PXK: variants seen among roughly 807,000 people sequenced by gnomAD.
The protein encoded by PXK is PX domain containing serine/threonine kinase like, also known as PX domain-containing protein kinase-like protein.
PXK carries 35 observed loss-of-function variants against 84.7 expected under a neutral mutation model. That is an observed-to-expected ratio of 0.41 (90% confidence interval 0.32 to 0.55). PXK has a LOEUF of 0.55. Ranked by LOEUF, PXK falls within the 20% of genes least tolerant of loss-of-function variation. The pLI is 0.21. For synonymous variants in PXK, 253 were observed against 260.8 expected (o/e 0.97, Z 0.29); for missense variants, 634 against 699.7 (o/e 0.91, Z 1.06).
At chr3:58,395,613 G>A (rs2057534330) in intron 8 of PXK, 45 bp from the exon 9 acceptor site, 2 of 1,430,884 alleles carry the variant, frequency 1.4e-6, no homozygotes, top group Non-Finnish European at 2.0e-6. Context: ...TGCAGATATT[G>A]GCCCCTCTGC....
Position 58,383,764 on chromosome 3 carries a change from A to G in PXK, c.388+1064A>G, listed in dbSNP as rs567286174. ...CACCTGATTTGTTTAAAGAGAAACC[A>G]TGCTTTAGAGACTTTCTAAGTGGAA... On this transcript the variant is annotated intron_variant, in intron 4 of 17. Transcript: ENST00000356151. The surrounding 1 kb of genome is among the most constrained non-coding windows in gnomAD (Gnocchi z 4.0). 2.8e-4 allele frequency among the ~76,000 whole-genome samples: 42 copies of G among 152,364 alleles called. No individual in the cohort carries two copies. Among genetic ancestry groups the G allele is most frequent in the African/African-American group, 8.7e-4 (36 of 41,584 alleles).
At chr3:58,410,747 G>C (rs1427446556) in intron 16 of PXK, among the ~76,000 whole-genome samples, 1 of 152,208 alleles carries the variant, frequency 6.6e-6, no homozygotes, top group Non-Finnish European at 1.5e-5. Context: ...TGATCCCTGG[G>C]GGCCTTCCAG....
At chr3:58,380,945 C>G (rs1450944335) in intron 3 of PXK, among the ~76,000 whole-genome samples, 2 of 152,020 alleles carry the variant, frequency 1.3e-5, no homozygotes, top group Non-Finnish European at 2.9e-5. Context: ...ATCTCCTGCT[C>G]TCCTTTTTAA....
Position 58,421,684 on chromosome 3 carries a change from C to T in PXK, c.1529-3068C>T. 1 of 988,272 alleles carries T rather than the reference C, an allele frequency of 1.0e-6. No individual in the cohort carries two copies. The allele number at this position is 988,272 out of a possible 1,614,324, so 61.2% of individuals were successfully genotyped here. On this transcript the variant is annotated intron_variant, in intron 17 of 17. Coordinates refer to ENST00000356151, the MANE Select transcript of PXK (RefSeq NM_017771.5). The surrounding 1 kb of genome is among the most constrained non-coding windows in gnomAD (Gnocchi z 5.5). Reference sequence around the variant, plus strand: ...CTCCCTAGATCTGACCTACGCTCTCCCTGCAGCATTCTCTGCCCTCTGACA... The same window carrying T: ...CTCCCTAGATCTGACCTACGCTCTCTCTGCAGCATTCTCTGCCCTCTGACA...
chr3:58,404,929 G>GAA (rs11447785), intron 13 of PXK, among the ~76,000 whole-genome samples: 9 of 151,894 alleles, frequency 5.9e-5, no homozygotes, highest in Admixed American at 2.0e-4. Context: ...AAGTAGGAGA[G>GAA]AAAAAAACAT....
rs1020028301 is a variant in PXK at position 58,333,766 on chromosome 3, G to A, written c.102+676G>A. The A allele has an allele frequency of 2.5e-6, 1 of 396,144 alleles. No individual in the cohort carries two copies. Among genetic ancestry groups the A allele is most frequent in the Admixed American group, 2.8e-5 (1 of 36,030 alleles). 24.5% of individuals were successfully genotyped at this position (396,144 alleles called of 1,614,324 possible). A position where few individuals can be genotyped will look rare whatever the true frequency, so the allele number is the denominator to read the frequency against. ...TTTGAGTTTAAAATCCACTCGAGTA[G>A]CATAAAGGAGTAATAGGTCCTCATA... is the stretch of plus-strand genomic sequence containing the variant. On this transcript the variant is annotated intron_variant, in intron 1 of 17. Coordinates refer to ENST00000356151, the MANE Select transcript of PXK (RefSeq NM_017771.5). This position sits in a 1 kb window ranked among gnomAD's most constrained non-coding sequence, Gnocchi z 5.4.
At chr3:58,334,153 G>C (rs2097546815) in intron 1 of PXK, among the ~76,000 whole-genome samples, 1 of 152,158 alleles carries the variant, frequency 6.6e-6, no homozygotes. Flanking sequence ...AAGCTCTTCT[G>C]ATGACTTCAA....
chr3:58,423,722 G>A (rs759527929), intron 17 of PXK, among the ~76,000 whole-genome samples: 1 of 152,054 alleles, frequency 6.6e-6, no homozygotes, highest in African/African-American at 2.4e-5. Context: ...GCATCTGACA[G>A]AGTCTCAGAG....
chr3:58,424,369 T>A (rs1284217384), intron 17 of PXK, among the ~76,000 whole-genome samples: 1 of 152,156 alleles, frequency 6.6e-6, no homozygotes, highest in Non-Finnish European at 1.5e-5. Flanking sequence ...AATTGCTAGC[T>A]CAGAAGCAGA....
chr3:58,419,477 T>C (rs2061493738), intron 17 of PXK, among the ~76,000 whole-genome samples: 1 of 152,254 alleles, frequency 6.6e-6, no homozygotes, highest in Admixed American at 6.5e-5. Flanking sequence ...GGTCTCGAAC[T>C]TCTGGCCTCA....
In PXK at chr3:58,378,492, C is replaced by CTTCTTTTTTTTTTTTTTT. The variant is rs1451583616; in HGVS notation, c.202-4020_202-4019insCTTTTTTTTTTTTTTTTT. ...ATTGGATTTGGACTTCATTTTTCTT[C>CTTCTTTTTTTTTTTTTTT]TTTTTTTTTTTTTTTTTTTTTGTGT... On this transcript the variant is annotated intron_variant, in intron 3 of 17. Coordinates refer to ENST00000356151, the MANE Select transcript of PXK (RefSeq NM_017771.5). Among the ~76,000 whole-genome samples the CTTCTTTTTTTTTTTTTTT allele has an allele frequency of 8.2e-5, 2 of 24,318 alleles. 1 individual carries two copies. Among genetic ancestry groups the CTTCTTTTTTTTTTTTTTT allele is most frequent in the African/African-American group, 2.8e-4 (2 of 7,144 alleles). 16.0% of individuals were successfully genotyped at this position (24,318 alleles called of 152,430 possible). A position where few individuals can be genotyped will look rare whatever the true frequency, so the allele number is the denominator to read the frequency against.
chr3:58,424,937 C>A lies in PXK; in HGVS notation c.1714C>A (p.His572Asn). Reference protein sequence around the residue: ...GTLRKAKTCDHSAPKIG With the variant: ...GTLRKAKTCDNSAPKIG ...TTTGAGGAAAGCCAAAACCTGTGAT[C>A]ACAGTGCTCCGAAGATCGGCTGAAG... is the stretch of plus-strand genomic sequence containing the variant. The change falls in exon 18 of 18, where the codon CAC becomes AAC. Residue 572 changes from histidine to asparagine, a missense_variant. By Grantham distance (68) the His-to-Asn change is moderately conservative. Coordinates refer to ENST00000356151, the MANE Select transcript of PXK (RefSeq NM_017771.5). 6.2e-7 allele frequency: 1 copy of A among 1,614,134 alleles called. No homozygotes were observed. Among genetic ancestry groups the A allele is most frequent in the South Asian group, 1.1e-5 (1 of 91,066 alleles).
In PXK at chr3:58,370,330, T is replaced by C. The variant is rs1212257945; in HGVS notation, c.201+852T>C. ...TCTTCATCTAGAAACACAGCCAGTG[T>C]TGGTAATGGTTAAAGGGTCCAAGAG... On this transcript the variant is annotated intron_variant, in intron 3 of 17. Coordinates refer to ENST00000356151, the MANE Select transcript of PXK (RefSeq NM_017771.5). The surrounding 1 kb of genome is among the most constrained non-coding windows in gnomAD (Gnocchi z 4.2). Among the ~76,000 whole-genome samples, 1 of 152,202 alleles carries C rather than the reference T, an allele frequency of 6.6e-6. No individual in the cohort carries two copies. The highest frequency in any genetic ancestry group is 1.5e-5 in the Non-Finnish European group (1 of 68,036).
At chr3:58,420,609 T>C in intron 17 of PXK, 1 of 1,536,006 alleles carries the variant, frequency 6.5e-7, no homozygotes, top group Admixed American at 2.0e-5. Context: ...TTAAAGATGC[T>C]CTGTTTCTGT....
chr3:58,381,570 AAAAG>A (rs2098503399), intron 3 of PXK, among the ~76,000 whole-genome samples: 1 of 151,564 alleles, frequency 6.6e-6, no homozygotes, highest in Admixed American at 6.6e-5. Flanking sequence ...AAAAAAAAAA[AAAAG>A]ACTACAAGTT....
chr3:58,341,645 T>C (rs2097733456), intron 1 of PXK, among the ~76,000 whole-genome samples: 1 of 152,208 alleles, frequency 6.6e-6, no homozygotes, highest in Admixed American at 6.5e-5. Context: ...TGGCTTTTGG[T>C]ATATTTACAG....
rs2057825925 is a variant in PXK, at chr3:58,397,246, A to G, written c.984+46A>G. Reference sequence around the variant, plus strand: ...AATAGCAGGTTCATTTTTAGGTGTCAGTTATCCCCATGATCTGCCCATGTA... The same window carrying G: ...AATAGCAGGTTCATTTTTAGGTGTCGGTTATCCCCATGATCTGCCCATGTA... On this transcript the variant is annotated intron_variant, in intron 10 of 17. Coordinates refer to ENST00000356151, the MANE Select transcript of PXK (RefSeq NM_017771.5). This position sits in a 1 kb window ranked among gnomAD's most constrained non-coding sequence, Gnocchi z 4.7. 3 of 1,583,524 alleles carry G rather than the reference A, an allele frequency of 1.9e-6. No individual in the cohort carries two copies. The highest frequency in any genetic ancestry group is 1.3e-5 in the African/African-American group (1 of 74,332).
chr3:58,369,237 C>A (rs367604466), intron 2 of PXK, among the ~76,000 whole-genome samples, 194 bp from the exon 3 acceptor site: 2 of 152,192 alleles, frequency 1.3e-5, no homozygotes, highest in Non-Finnish European at 2.9e-5. Context: ...GCCCAGCCAA[C>A]GCTTGGCACT....
chr3:58,377,949 C>G (rs2108681711), intron 3 of PXK, among the ~76,000 whole-genome samples: 1 of 152,266 alleles, frequency 6.6e-6, no homozygotes, highest in African/African-American at 2.4e-5. Flanking sequence ...CCAGGTGCTG[C>G]CCCCAGAGTG....
Sources: allele counts gnomAD v4.1 joint callset (sites outside exome capture counted in the v4.1 genomes callset), GRCh38; gene constraint gnomAD v4.1.1; non-coding constraint Gnocchi (gnomAD v3.1); transcripts MANE v1.5; gene names NCBI Gene and HGNC (gene_info 2026-07-23, HGNC 2026-07-21).